Variants in EFR3B observed in about 807,000 individuals in gnomAD.
EFR3B encodes EFR3 homolog B.
EFR3B carries 64 observed loss-of-function variants against 104.7 expected under a neutral mutation model. The observed-to-expected ratio is 0.61, with a 90% CI of 0.50 to 0.75. EFR3B has a LOEUF of 0.75. Ranked by LOEUF, EFR3B falls within the 30% of genes least tolerant of loss-of-function variation. The probability of loss-of-function intolerance (pLI) is 0.00; values close to 1 mark genes in which losing one functional copy is unlikely to be tolerated. For missense variants in EFR3B, 750 were observed against 1,078.5 expected (o/e 0.70, Z 4.27); for synonymous variants, 385 against 417.9 (o/e 0.92, Z 0.96).
intron 1 of EFR3B, among the ~76,000 whole-genome samples, chr2:25,075,209 C>T (rs62143003): frequency 6.6e-6 from 1 of 152,188 alleles, no homozygotes; most frequent in Non-Finnish European, 1.5e-5. Flanking sequence ...ATTCTCAGTT[C>T]AAATCTCCTG....
At position 25,149,665 on chromosome 2, in the gene EFR3B, T is replaced by C. The variant is rs2149214008; in HGVS notation, c.2143-29T>C. The C allele has an allele frequency of 2.6e-6, 4 of 1,550,874 alleles. No individual in the cohort carries two copies. In the South Asian group the frequency reaches 4.8e-5, roughly 18 times the overall value. The stretch of plus-strand genomic sequence containing the variant: ...GCCTCCTTTCTCTGCCCCCTGCCTT[T>C]CTGAGCATCTCTGTCCCTTCTCCTT... On this transcript the variant is annotated intron_variant, in intron 19 of 22. Coordinates refer to ENST00000403714, the MANE Select transcript of EFR3B (RefSeq NM_014971.2).
intron 15 of EFR3B, among the ~76,000 whole-genome samples, chr2:25,138,634 C>T (rs1191052508): frequency 6.6e-6 from 1 of 152,214 alleles, no homozygotes; most frequent in African/African-American, 2.4e-5. Flanking sequence ...ATATCCCAAT[C>T]CCCTGGTAAC....
intron 4 of EFR3B, among the ~76,000 whole-genome samples, chr2:25,106,941 C>T (rs182663809): frequency 3.9e-5 from 6 of 152,094 alleles, no homozygotes; most frequent in Non-Finnish European, 7.4e-5. Context: ...GGTTTTGCTG[C>T]CAGGAAATCA....
In EFR3B at chr2:25,157,765, G is replaced by C. The variant is rs1671213766; in HGVS notation, c.*3425G>C. The C allele has an allele frequency of 6.6e-6, 1 of 152,244 alleles. No homozygotes were observed. The highest frequency in any genetic ancestry group is 2.1e-4 in the South Asian group (1 of 4,832). The allele number at this position is 152,244 out of a possible 1,614,324, so 9.4% of individuals were successfully genotyped here. On this transcript the variant is annotated 3_prime_UTR_variant, in exon 23 of 23. Transcript: ENST00000403714. ...CTCCCTCTGTTTTCCTTGCCATGGAGTCCCCAGCGCCTTGTGCCTGTTTCC... is the reference window on the plus strand; with the variant it reads ...CTCCCTCTGTTTTCCTTGCCATGGACTCCCCAGCGCCTTGTGCCTGTTTCC...
intron 17 of EFR3B, among the ~76,000 whole-genome samples, chr2:25,143,062 A>G (rs1036817414): frequency 2.0e-5 from 3 of 151,594 alleles, no homozygotes; most frequent in Non-Finnish European, 4.4e-5. Context: ...CCTGGCTAAC[A>G]TGGTGAAACC....
rs1190544918 is a variant in EFR3B, at chr2:25,042,942, G to T, written c.7+623G>T. ...TGCTGAGAGGGTGCAGCACAGCCCT[G>T]ACCTCTCCCCGCCTCCACCGCCATC... On this transcript the variant is annotated intron_variant, in intron 1 of 22. Coordinates refer to ENST00000403714, the MANE Select transcript of EFR3B (RefSeq NM_014971.2). The surrounding 1 kb of genome is among the most constrained non-coding windows in gnomAD (Gnocchi z 5.4). 6.6e-6 allele frequency among the ~76,000 whole-genome samples: 1 copy of T among 152,164 alleles called. No homozygotes were observed. The highest frequency in any genetic ancestry group is 2.4e-5 in the African/African-American group (1 of 41,442).
At position 25,132,908 on chromosome 2, in the gene EFR3B, T is replaced by G. The variant is rs1281917205; in HGVS notation, c.1153T>G (p.Phe385Val). Reference sequence around the variant, plus strand: ...CTCTCCGCCACCTCCTGCAGGCTCCTTTGCCAGCACGCTGCCCACCTACCA... The same window carrying G: ...CTCTCCGCCACCTCCTGCAGGCTCCGTTGCCAGCACGCTGCCCACCTACCA... ...QEAVIKTVGS[F>V]ASTLPTYQRS... The change falls in exon 11 of 23, where the codon TTT (phenylalanine) becomes GTT (valine). Residue 385 changes from phenylalanine (F) to valine (V), a missense_variant. Coordinates refer to ENST00000403714, the MANE Select transcript of EFR3B (RefSeq NM_014971.2). The G allele has an allele frequency of 6.4e-7, 1 of 1,550,706 alleles. No homozygotes were observed.
rs557613349 is a variant in EFR3B, at chr2:25,135,679, G to T, written c.1484+40G>T. 6.3e-5 allele frequency: 98 copies of T among 1,549,880 alleles called. 1 individual carries two copies. In the East Asian group the frequency reaches 2.0e-3, roughly 32 times the overall value. ...TCTCCTCCAGGCAATGCAAGATGGG[G>T]AGAGGACTCTCCATTAGGTCCTATC... On this transcript the variant is annotated intron_variant, in intron 13 of 22. Coordinates refer to ENST00000403714, the MANE Select transcript of EFR3B (RefSeq NM_014971.2).
chr2:25,084,502 G>A (rs777704465), intron 1 of EFR3B, among the ~76,000 whole-genome samples: 7 of 152,170 alleles, frequency 4.6e-5, no homozygotes, highest in Admixed American at 3.9e-4. Context: ...ACCTCCCAAA[G>A]TGTTGGGATT....
chr2:25,062,074 G>A (rs930803397), intron 1 of EFR3B, among the ~76,000 whole-genome samples: 1 of 152,172 alleles, frequency 6.6e-6, no homozygotes, highest in Non-Finnish European at 1.5e-5. Context: ...CGTGTAGTGA[G>A]TGCGTATTTT....
intron 1 of EFR3B, among the ~76,000 whole-genome samples, chr2:25,046,189 C>CA (rs1667711730): frequency 6.6e-6 from 1 of 152,116 alleles, no homozygotes; most frequent in Admixed American, 6.5e-5. Flanking sequence ...AATTTGAGAC[C>CA]AGCCTGGCCA....
chr2:25,110,091 C>T (rs544291490), intron 4 of EFR3B, among the ~76,000 whole-genome samples: 2 of 152,206 alleles, frequency 1.3e-5, no homozygotes, highest in East Asian at 1.9e-4. Flanking sequence ...CTGTTCCCCC[C>T]CATCTTGCTT....
chr2:25,062,079 T>C (rs1310403050), intron 1 of EFR3B, among the ~76,000 whole-genome samples: 2 of 152,262 alleles, frequency 1.3e-5, no homozygotes, highest in African/African-American at 4.8e-5. Context: ...AGTGAGTGCG[T>C]ATTTTTAATT....
At chr2:25,134,358 C>T (rs532325714) in intron 12 of EFR3B, among the ~76,000 whole-genome samples, 7 of 152,090 alleles carry the variant, frequency 4.6e-5, no homozygotes, top group South Asian at 2.1e-4. Context: ...TTAGTAGAGA[C>T]GGTGTTTCAC....
chr2:25,136,686 C>T lies in EFR3B; in HGVS notation c.1560+88C>T, dbSNP rs541966102. The T allele has an allele frequency of 5.3e-5, 61 of 1,141,602 alleles. No individual in the cohort carries two copies. The Middle Eastern group carries it at 7.7e-4, about 14-fold the overall frequency. 70.7% of individuals were successfully genotyped at this position (1,141,602 alleles called of 1,614,324 possible). A position where few individuals can be genotyped will look rare whatever the true frequency, so the allele number is the denominator to read the frequency against. ...CAGCACTTTGGGAGGCTGAGGCGGG[C>T]GGATAGATCACTTGAGGTGGGGAGC... On this transcript the variant is annotated intron_variant, in intron 14 of 22. Coordinates refer to ENST00000403714, the MANE Select transcript of EFR3B (RefSeq NM_014971.2). This position sits in a 1 kb window ranked among gnomAD's most constrained non-coding sequence, Gnocchi z 4.0.
intron 1 of EFR3B, among the ~76,000 whole-genome samples, chr2:25,064,594 G>A (rs971516917): frequency 1.3e-5 from 2 of 152,184 alleles, no homozygotes; most frequent in African/African-American, 4.8e-5. Flanking sequence ...CTCTTTGAGA[G>A]TATGAGTTAT....
At chr2:25,094,192 G>C (rs1208209716) in intron 3 of EFR3B, among the ~76,000 whole-genome samples, 1 of 150,454 alleles carries the variant, frequency 6.6e-6, no homozygotes, top group East Asian at 1.9e-4. Context: ...AGCTGAGGTG[G>C]GAGGATGGCT....
chr2:25,154,135 C>CA lies in EFR3B; in HGVS notation c.2349-95dup. 9.1e-7 allele frequency: 1 copy of CA among 1,095,710 alleles called. No homozygotes were observed. Among genetic ancestry groups the CA allele is most frequent in the Non-Finnish European group, 1.3e-6 (1 of 755,202 alleles). 67.9% of individuals were successfully genotyped at this position (1,095,710 alleles called of 1,614,324 possible). Reference sequence around the variant, plus strand: ...AATGAAGGGGTCTCTGGTGCCTGTGCAAAAAGAAACCCAAGTCACCTACTC... The same window carrying CA: ...AATGAAGGGGTCTCTGGTGCCTGTGCAAAAAAGAAACCCAAGTCACCTACTC... On this transcript the variant is annotated intron_variant, in intron 22 of 22. Transcript: ENST00000403714. This position sits in a 1 kb window ranked among gnomAD's most constrained non-coding sequence, Gnocchi z 4.1.
intron 4 of EFR3B, among the ~76,000 whole-genome samples, chr2:25,117,701 C>G (rs949124150): frequency 1.3e-5 from 2 of 151,918 alleles, no homozygotes; most frequent in African/African-American, 2.4e-5. Flanking sequence ...CATGAGCCAC[C>G]GTGCCCGGCT....
Sources: allele counts gnomAD v4.1 joint callset (sites outside exome capture counted in the v4.1 genomes callset), GRCh38; gene constraint gnomAD v4.1.1; non-coding constraint Gnocchi (gnomAD v3.1); transcripts MANE v1.5; gene names NCBI Gene and HGNC (gene_info 2026-07-23, HGNC 2026-07-21).